Variants in UGT1A4 observed in about 807,000 individuals in gnomAD.
UGT1A4 encodes the protein UDP glucuronosyltransferase family 1 member A4.
A neutral mutation model predicts 41.1 loss-of-function variants in UGT1A4; 32 were observed. The observed-to-expected ratio is 0.78, with a 90% CI of 0.59 to 1.05. The LOEUF (loss-of-function observed/expected upper bound fraction) is 1.05. Among genes scored for constraint, UGT1A4 ranks in the 50% least tolerant of loss-of-function variants. The pLI, the probability that UGT1A4 is intolerant of heterozygous loss-of-function variation, is 0.00. For synonymous variants in UGT1A4, 283 were observed against 265.1 expected (o/e 1.07, Z -0.66); for missense variants, 748 against 677.4 (o/e 1.10, Z -1.16).
chr2:233,760,348 G>A (rs759212811), intron 1 of UGT1A4: 2 of 1,613,950 alleles, frequency 1.2e-6, no homozygotes, highest in Admixed American at 1.7e-5. Flanking sequence ...GTGTGTGCTG[G>A]GCCCAGTGGT....
intron 1 of UGT1A4, among the ~76,000 whole-genome samples, chr2:233,736,611 AT>A (rs2078784415): frequency 6.6e-6 from 1 of 151,912 alleles, no homozygotes; most frequent in East Asian, 1.9e-4. Context: ...GGTTTTTAGA[AT>A]TTTCAGCTTT....
chr2:233,753,489 A>C (rs964194118), intron 1 of UGT1A4: 3 of 151,990 alleles, frequency 2.0e-5, no homozygotes, highest in African/African-American at 7.3e-5. Context: ...TGCTGCTCTT[A>C]ATTTTTTTCA....
intron 1 of UGT1A4, among the ~76,000 whole-genome samples, chr2:233,758,290 A>G (rs1270361168): frequency 6.6e-6 from 1 of 152,254 alleles, no homozygotes; most frequent in East Asian, 1.9e-4. Flanking sequence ...AGCTGTGGCC[A>G]CAAACCATCC....
chr2:233,736,190 T>C (rs573636337), intron 1 of UGT1A4, among the ~76,000 whole-genome samples: 9 of 152,368 alleles, frequency 5.9e-5, no homozygotes, highest in African/African-American at 2.2e-4. Flanking sequence ...CCCATATTTC[T>C]TCAAGGCTTT....
intron 1 of UGT1A4, chr2:233,760,820 G>A (rs1177412651): frequency 6.2e-7 from 1 of 1,613,432 alleles, no homozygotes; most frequent in Non-Finnish European, 8.5e-7. Context: ...CTGCCATGCA[G>A]CCTGGAATTT....
At chr2:233,745,788 G>A (rs1003270220) in intron 1 of UGT1A4, among the ~76,000 whole-genome samples, 1 of 150,764 alleles carries the variant, frequency 6.6e-6, no homozygotes, top group Non-Finnish European at 1.5e-5. Flanking sequence ...AGACAGGGGG[G>A]CTGGGGTCTA....
chr2:233,761,292 A>G, intron 1 of UGT1A4: 4 of 1,528,102 alleles, frequency 2.6e-6, no homozygotes, highest in Middle Eastern at 1.9e-4. Flanking sequence ...TTTGACTCCT[A>G]GGTTTGAGTC....
chr2:233,767,983 AG>A (rs1699537799), intron 3 of UGT1A4, 47 bp downstream of exon 3: 1 of 1,614,082 alleles, frequency 6.2e-7, no homozygotes, highest in African/African-American at 1.3e-5. Context: ...GGTCAAATTA[AG>A]AAAATGGCTT....
intron 1 of UGT1A4, among the ~76,000 whole-genome samples, chr2:233,764,833 G>C (rs1171416505): frequency 3.9e-5 from 6 of 151,966 alleles, no homozygotes; most frequent in African/African-American, 1.2e-4. Flanking sequence ...TGGTGGTGGG[G>C]AGGATGACTC....
chr2:233,719,495 T>C lies in UGT1A4; in HGVS notation c.675T>C (p.His225=), dbSNP rs749585950. The change falls in exon 1 of 5, where the codon CAT becomes CAC. Residue 225 remains histidine (H), a synonymous_variant. Transcript: ENST00000373409. ...CTCTGGCCCTGTCCTACATTTGCCA[T>C]ACTTTTTCTGCCCCTTATGCAAGTC... is the stretch of plus-strand genomic sequence containing the variant. ...LYPLALSYIC[H]TFSAPYASLA... The C allele has an allele frequency of 3.1e-6, 5 of 1,613,994 alleles. No homozygotes were observed. The highest frequency in any genetic ancestry group is 4.2e-6 in the Non-Finnish European group (5 of 1,179,878).
At chr2:233,744,417 G>C (rs1328403713) in intron 1 of UGT1A4, among the ~76,000 whole-genome samples, 1 of 151,850 alleles carries the variant, frequency 6.6e-6, no homozygotes, top group Non-Finnish European at 1.5e-5. Flanking sequence ...TTTTGTTCAT[G>C]TGGATTATAT....
At chr2:233,760,167 A>T (rs982651614) in intron 1 of UGT1A4, 4 of 1,523,868 alleles carry the variant, frequency 2.6e-6, no homozygotes, top group Non-Finnish European at 2.6e-6. Flanking sequence ...ACCTTTGTGG[A>T]CTGACAGCTT....
At chr2:233,736,684 C>G (rs2078792768) in intron 1 of UGT1A4, among the ~76,000 whole-genome samples, 1 of 152,148 alleles carries the variant, frequency 6.6e-6, no homozygotes, top group Non-Finnish European at 1.5e-5. Flanking sequence ...ATGTTGGTGA[C>G]CTACAGATGG....
intron 1 of UGT1A4, among the ~76,000 whole-genome samples, chr2:233,726,967 G>T (rs1400134709): frequency 6.6e-6 from 1 of 152,088 alleles, no homozygotes; most frequent in African/African-American, 2.4e-5. Flanking sequence ...AAGAGCAAAA[G>T]TTTTAGATTT....
chr2:233,729,474 G>A, intron 1 of UGT1A4: 1 of 1,614,210 alleles, frequency 6.2e-7, no homozygotes. Context: ...GTATGGCAAT[G>A]TTGAACAATA....
chr2:233,730,127 C>G (rs2077990319), intron 1 of UGT1A4: 1 of 1,540,256 alleles, frequency 6.5e-7, no homozygotes, highest in East Asian at 2.4e-5. Context: ...GTCATAATAG[C>G]CTTCAGTGAG....
intron 1 of UGT1A4, chr2:233,729,211 G>A (rs1212388025): frequency 6.2e-7 from 1 of 1,613,958 alleles, no homozygotes; most frequent in African/African-American, 1.3e-5. Flanking sequence ...GGCTGAGAGT[G>A]GAAAGGTGTT....
chr2:233,767,779 A>G, intron 2 of UGT1A4, 70 bp from the exon 3 acceptor site: 1 of 1,612,962 alleles, frequency 6.2e-7, no homozygotes. Flanking sequence ...TTTTCTAGTT[A>G]GTATAGCAGA....
At chr2:233,752,814 C>T (rs1695070900) in intron 1 of UGT1A4, among the ~76,000 whole-genome samples, 1 of 152,214 alleles carries the variant, frequency 6.6e-6, no homozygotes, top group African/African-American at 2.4e-5. Flanking sequence ...GAACACTTCC[C>T]ATTTATGACA....
Sources: allele counts gnomAD v4.1 joint callset (sites outside exome capture counted in the v4.1 genomes callset), GRCh38; gene constraint gnomAD v4.1.1; transcripts MANE v1.5; gene names NCBI Gene and HGNC (gene_info 2026-07-23, HGNC 2026-07-21).